Variants in KIAA0319 observed in about 807,000 individuals in gnomAD.
KIAA0319 encodes dyslexia-associated protein KIAA0319.
A neutral mutation model predicts 108.4 loss-of-function variants in KIAA0319; 83 were observed. The observed-to-expected ratio is 0.77, with a 90% CI of 0.64 to 0.92. KIAA0319 has a LOEUF of 0.92. KIAA0319 is among the 40% of genes least tolerant of loss of function. The probability of loss-of-function intolerance (pLI) is 0.00; values close to 1 mark genes in which losing one functional copy is unlikely to be tolerated. For synonymous variants in KIAA0319, 484 were observed against 510.4 expected, an observed-to-expected ratio of 0.95 and a Z score of 0.70; for missense variants, 1,195 against 1,322.4, an observed-to-expected ratio of 0.90 and a Z score of 1.49.
chr6:24,582,399 T>C, intron 5 of KIAA0319, 53 bp from the exon 6 acceptor site: 3 of 1,076,294 alleles, frequency 2.8e-6, no homozygotes, highest in East Asian at 2.4e-5. Flanking sequence ...GGACACTAGA[T>C]AACCTGGGCA....
chr6:24,628,809 T>C (rs1775087400), intron 1 of KIAA0319, among the ~76,000 whole-genome samples: 1 of 152,112 alleles, frequency 6.6e-6, no homozygotes, highest in Non-Finnish European at 1.5e-5. Flanking sequence ...TGTCCCTCTA[T>C]TGTCACATGG....
rs1381632429 is a variant in KIAA0319, at chr6:24,546,432, T to A, written c.*733A>T. 3 of 152,126 alleles carry A rather than the reference T, an allele frequency of 2.0e-5. No individual in the cohort carries two copies. The allele number at this position is 152,126 out of a possible 1,614,324, so 9.4% of individuals were successfully genotyped here. A position where few individuals can be genotyped will look rare whatever the true frequency, so the allele number is the denominator to read the frequency against. On this transcript the variant is annotated 3_prime_UTR_variant, in exon 21 of 21. Transcript: ENST00000378214. The stretch of plus-strand genomic sequence containing the variant: ...ACACCGAGAGGAGTCAGTGTAGTTT[T>A]TCTTAGAGAAAGAAAAGATAATGTT...
intron 4 of KIAA0319, among the ~76,000 whole-genome samples, chr6:24,587,679 T>C (rs919549393): frequency 5.7e-4 from 87 of 151,666 alleles, no homozygotes; most frequent in African/African-American, 1.9e-3. Flanking sequence ...CTCTGCCTCC[T>C]GGGTTCAAGC....
At chr6:24,613,395 AT>A (rs1373307627) in intron 1 of KIAA0319, among the ~76,000 whole-genome samples, 1 of 152,112 alleles carries the variant, frequency 6.6e-6, no homozygotes, top group African/African-American at 2.4e-5. Flanking sequence ...GGACATTATT[AT>A]AGTGTTTTGT....
At chr6:24,629,988 G>A (rs1582320497) in intron 1 of KIAA0319, among the ~76,000 whole-genome samples, 1 of 152,134 alleles carries the variant, frequency 6.6e-6, no homozygotes, top group Non-Finnish European at 1.5e-5. Flanking sequence ...GGACCAGCCT[G>A]GCCAACATGC....
intron 15 of KIAA0319, 37 bp downstream of exon 15, chr6:24,564,163 CAG>C (rs778578541): frequency 6.2e-7 from 1 of 1,613,184 alleles, no homozygotes; most frequent in South Asian, 1.1e-5. Context: ...GCTGACCAGC[CAG>C]AGCCTGCATG....
intron 1 of KIAA0319, among the ~76,000 whole-genome samples, chr6:24,641,910 T>C (rs1325663785): frequency 6.6e-6 from 1 of 151,360 alleles, no homozygotes; most frequent in African/African-American, 2.4e-5. Flanking sequence ...TATGCGCCTG[T>C]AGTCTCAGTT....
intron 1 of KIAA0319, among the ~76,000 whole-genome samples, chr6:24,601,516 T>C (rs982506298): frequency 2.0e-5 from 3 of 152,206 alleles, no homozygotes; most frequent in African/African-American, 7.2e-5. Context: ...CCACCATCAC[T>C]TGTTTTTGGC....
At chr6:24,540,348 C>T (rs1307405251), downstream of KIAA0319, among the ~76,000 whole-genome samples, 3 of 152,154 alleles carry the variant, frequency 2.0e-5, no homozygotes, top group Admixed American at 6.5e-5. Context: ...ATGATGGCTA[C>T]GACATCACTA....
chr6:24,541,835 T>A (rs1760202850), downstream of KIAA0319, among the ~76,000 whole-genome samples: 1 of 152,132 alleles, frequency 6.6e-6, no homozygotes. Context: ...GAAGGAATAT[T>A]TTTTTAAATG....
At chr6:24,588,935 C>T (rs1468333893) in intron 3 of KIAA0319, 150 bp from the exon 4 acceptor site, 5 of 666,346 alleles carry the variant, frequency 7.5e-6, no homozygotes, top group East Asian at 5.5e-5. Context: ...GAACTCTAGA[C>T]CATCTCTCTC....
At chr6:24,610,857 G>A (rs554789101) in intron 1 of KIAA0319, among the ~76,000 whole-genome samples, 2 of 152,080 alleles carry the variant, frequency 1.3e-5, no homozygotes, top group East Asian at 1.9e-4. Flanking sequence ...ACTGAAAAAC[G>A]GATAAAAATA....
At chr6:24,594,066 G>C (rs1036531880) in intron 3 of KIAA0319, among the ~76,000 whole-genome samples, 1 of 151,328 alleles carries the variant, frequency 6.6e-6, no homozygotes. Context: ...GGGCGTGGTG[G>C]CAGATGCCTG....
Position 24,546,110 on chromosome 6 carries a change from A to T in KIAA0319, c.*1055T>A, listed in dbSNP as rs1240152245. On this transcript the variant is annotated 3_prime_UTR_variant, in exon 21 of 21. Transcript: ENST00000378214. The stretch of plus-strand genomic sequence containing the variant: ...GTCTTTCATGTTTGAAATAAGATTT[A>T]TTCGGTAGAAAAACTTAAATGTATT... 2.0e-5 allele frequency: 3 copies of T among 152,208 alleles called. No individual in the cohort carries two copies. The highest frequency in any genetic ancestry group is 4.4e-5 in the Non-Finnish European group (3 of 68,038). 9.4% of individuals were successfully genotyped at this position (152,208 alleles called of 1,614,324 possible).
Position 24,599,549 on chromosome 6 carries a change from G to T in KIAA0319, c.55+1500C>A. On this transcript the variant is annotated intron_variant, in intron 2 of 20. Coordinates refer to ENST00000378214, the MANE Select transcript of KIAA0319 (RefSeq NM_014809.4). The surrounding 1 kb of genome is among the most constrained non-coding windows in gnomAD (Gnocchi z 4.1). The stretch of plus-strand genomic sequence containing the variant: ...ACAGGAAGGTGCTGGAGGGCGAGGA[G>T]AGCTGGCTGGAGTCTGGGATGCAGA... 1.7e-6 allele frequency: 1 copy of T among 579,590 alleles called. No homozygotes were observed. Among genetic ancestry groups the T allele is most frequent in the Non-Finnish European group, 3.3e-6 (1 of 302,322 alleles). 35.9% of individuals were successfully genotyped at this position (579,590 alleles called of 1,614,324 possible). A position where few individuals can be genotyped will look rare whatever the true frequency, so the allele number is the denominator to read the frequency against.
At chr6:24,589,141 C>T (rs1306567010) in intron 3 of KIAA0319, among the ~76,000 whole-genome samples, 3 of 152,164 alleles carry the variant, frequency 2.0e-5, no homozygotes, top group Non-Finnish European at 4.4e-5. Context: ...AATCCTAACC[C>T]TCAATGTGAT....
chr6:24,588,298 T>A (rs538209240), intron 4 of KIAA0319, among the ~76,000 whole-genome samples: 1 of 152,210 alleles, frequency 6.6e-6, no homozygotes, highest in Non-Finnish European at 1.5e-5. Context: ...CCCTGGACCC[T>A]GTTAGTGGAT....
chr6:24,548,257 G>A (rs1320048197), intron 20 of KIAA0319, among the ~76,000 whole-genome samples: 2 of 152,104 alleles, frequency 1.3e-5, no homozygotes, highest in East Asian at 1.9e-4. Context: ...TTAGGCTCAC[G>A]GAAACATAGA....
intron 1 of KIAA0319, among the ~76,000 whole-genome samples, chr6:24,629,260 A>C (rs1448069366): frequency 6.6e-6 from 1 of 152,142 alleles, no homozygotes; most frequent in Non-Finnish European, 1.5e-5. Flanking sequence ...TCACGCCTGT[A>C]ACCCCAGCAC....
Sources: allele counts gnomAD v4.1 joint callset (sites outside exome capture counted in the v4.1 genomes callset), GRCh38; gene constraint gnomAD v4.1.1; non-coding constraint Gnocchi (gnomAD v3.1); transcripts MANE v1.5; gene names NCBI Gene and HGNC (gene_info 2026-07-23, HGNC 2026-07-21).